Variants in PTPA observed in about 807,000 individuals in gnomAD.
PTPA encodes protein phosphatase 2 phosphatase activator, also known as serine/threonine-protein phosphatase 2A activator.
PTPA carries 13 observed loss-of-function variants against 43.6 expected under a neutral mutation model. The ratio of observed to expected loss-of-function variants is 0.30; its 90% confidence interval spans 0.19 to 0.47. PTPA has a LOEUF of 0.47. Ranked by LOEUF, PTPA falls within the 20% of genes least tolerant of loss-of-function variation. The pLI is 0.99. For missense variants in PTPA, 329 were observed against 411.9 expected, an observed-to-expected ratio of 0.80 and a Z score of 1.74; for synonymous variants, 172 against 158.2, an observed-to-expected ratio of 1.09 and a Z score of -0.66.
chr9:129,124,202 C>T (rs892350577), intron 3 of PTPA, among the ~76,000 whole-genome samples: 4 of 151,960 alleles, frequency 2.6e-5, no homozygotes, highest in Non-Finnish European at 4.4e-5. Flanking sequence ...ATTTATTTAT[C>T]TTATTTTATT....
chr9:129,120,587 A>G lies in PTPA; in HGVS notation c.106A>G (p.Met36Val). ...PKKEIHTVPD[M>V]GKWKRSQAYA... ...AAAGGAGATCCACACAGTTCCAGAC[A>G]TGGGCAAATGGAAGCGTTCTCAGGT... is the stretch of plus-strand genomic sequence containing the variant. The change falls in exon 2 of 10, where the codon ATG becomes GTG. Residue 36 changes from methionine (M) to valine (V), a missense_variant. Met to Val is a conservative substitution (Grantham distance 21, BLOSUM62 1). Coordinates refer to ENST00000393370, the MANE Select transcript of PTPA (RefSeq NM_178000.3). 2 of 1,613,502 alleles carry G rather than the reference A, an allele frequency of 1.2e-6. No homozygotes were observed. The highest frequency in any genetic ancestry group is 1.1e-5 in the South Asian group (1 of 91,080).
chr9:129,133,524 A>T (rs1170626052), intron 5 of PTPA, among the ~76,000 whole-genome samples: 1 of 152,196 alleles, frequency 6.6e-6, no homozygotes. Flanking sequence ...TCTCTGACAC[A>T]TTCTCTTCTC....
In PTPA at chr9:129,147,519, A is replaced by AC. The variant is rs1281463856; in HGVS notation, c.*59dup. 7.1e-6 allele frequency: 11 copies of AC among 1,545,428 alleles called. No individual in the cohort carries two copies. The East Asian group carries it at 2.5e-4, about 35-fold the overall frequency. On this transcript the variant is annotated 3_prime_UTR_variant, in exon 10 of 10. Transcript: ENST00000393370. ...CACAGTTCCTGTGCCTGCCTTCCCC[A>AC]CCCCAGCAGTGGCCCCTCCCCATCC...
intron 2 of PTPA, among the ~76,000 whole-genome samples, chr9:129,122,584 C>G (rs1055160868): frequency 6.6e-6 from 1 of 152,172 alleles, no homozygotes; most frequent in Non-Finnish European, 1.5e-5. Flanking sequence ...CTTGGTGGTA[C>G]TCCTTGAATT....
chr9:129,138,233 A>C (rs1850512758), intron 8 of PTPA: 1 of 174,294 alleles, frequency 5.7e-6, no homozygotes, highest in African/African-American at 2.4e-5. Flanking sequence ...CAGTCACTGG[A>C]TAGCCAGCCC....
At chr9:129,115,190 T>C (rs1192996870) in intron 1 of PTPA, among the ~76,000 whole-genome samples, 2 of 152,178 alleles carry the variant, frequency 1.3e-5, no homozygotes, top group Non-Finnish European at 2.9e-5. Context: ...GTGGGACACA[T>C]TTTCCCATAA....
At chr9:129,118,144 C>G (rs760635378) in intron 1 of PTPA, among the ~76,000 whole-genome samples, 17 of 151,726 alleles carry the variant, frequency 1.1e-4, no homozygotes, top group Admixed American at 2.0e-4. Flanking sequence ...ACCTCTGCCT[C>G]CTGGGTTCAG....
intron 1 of PTPA, among the ~76,000 whole-genome samples, chr9:129,115,806 A>AT (rs1349170266): frequency 6.7e-6 from 1 of 150,148 alleles, no homozygotes; most frequent in South Asian, 2.1e-4. Context: ...CGCCTGGCTA[A>AT]TTTTTTTGTA....
chr9:129,115,875 T>A (rs1177280199), intron 1 of PTPA, among the ~76,000 whole-genome samples: 1 of 151,888 alleles, frequency 6.6e-6, no homozygotes, highest in East Asian at 1.9e-4. Context: ...ACTCCTGACC[T>A]CAGGTGATCC....
chr9:129,128,060 C>G (rs1849697756), intron 3 of PTPA: 5 of 1,332,762 alleles, frequency 3.8e-6, no homozygotes, highest in Non-Finnish European at 5.0e-6. Context: ...GCACTGTGCA[C>G]CTTCGGAGGT....
rs575122036 is a variant in PTPA at position 129,137,568 on chromosome 9, G to T, written c.686-24G>T. On this transcript the variant is annotated intron_variant, in intron 7 of 9. Coordinates refer to ENST00000393370, the MANE Select transcript of PTPA (RefSeq NM_178000.3). ...GTAGTCGTGGGGCCTGGTTCTGAAT[G>T]CTGGGGCCCATTCCTTTTCCCAGAC... 1.6e-4 allele frequency: 261 copies of T among 1,582,624 alleles called. No individual in the cohort carries two copies. In the African/African-American group the frequency reaches 3.2e-3, roughly 19 times the overall value.
chr9:129,142,338 TTG>T lies in PTPA; in HGVS notation c.787-90_787-89del, dbSNP rs57365080. 6,528 of 768,992 alleles carry T rather than the reference TTG, an allele frequency of 8.5e-3. 14 individuals are homozygous for T. Among genetic ancestry groups the T allele is most frequent in the African/African-American group, 0.033 (1,835 of 55,930 alleles). 47.6% of individuals were successfully genotyped at this position (768,992 alleles called of 1,614,324 possible). ...GCGCGTGCATTGTGTGCGTGTGCGT[TTG>T]TGTGTGTGTGTGTGTGCATGCATGG... On this transcript the variant is annotated intron_variant, in intron 8 of 9. Transcript: ENST00000393370.
At position 129,139,216 on chromosome 9, in the gene PTPA, T is replaced by C. The variant is rs540656251; in HGVS notation, c.786+1524T>C. Among the ~76,000 whole-genome samples, 27 of 152,282 alleles carry C rather than the reference T, an allele frequency of 1.8e-4. No individual in the cohort carries two copies. The South Asian group carries it at 3.5e-3, about 20-fold the overall frequency. On this transcript the variant is annotated intron_variant, in intron 8 of 9. Coordinates refer to ENST00000393370, the MANE Select transcript of PTPA (RefSeq NM_178000.3). ...TGGGAATTGATTCCATGGTAAAATTTTGTCTTTAGTTGGTTGGTTGATTTT... is the reference window on the plus strand; with the variant it reads ...TGGGAATTGATTCCATGGTAAAATTCTGTCTTTAGTTGGTTGGTTGATTTT...
intron 9 of PTPA, chr9:129,143,569 C>A: frequency 1.6e-6 from 1 of 643,828 alleles, no homozygotes; most frequent in Non-Finnish European, 2.8e-6. Flanking sequence ...AGCACAGATG[C>A]TTCCAGTTGG....
At chr9:129,144,736 CAAAAAAA>C (rs35064318) in intron 9 of PTPA, among the ~76,000 whole-genome samples, 3 of 108,052 alleles carry the variant, frequency 2.8e-5, no homozygotes, top group Non-Finnish European at 5.6e-5. Context: ...GAGACTCTCT[CAAAAAAA>C]AAAAAAAAAA....
At chr9:129,135,113 G>A (rs1451512768) in intron 6 of PTPA, among the ~76,000 whole-genome samples, 1 of 152,184 alleles carries the variant, frequency 6.6e-6, no homozygotes, top group Non-Finnish European at 1.5e-5. Flanking sequence ...TTGTCACATA[G>A]GCCGGGCGCG....
At chr9:129,123,331 G>T (rs1004589932) in intron 3 of PTPA, among the ~76,000 whole-genome samples, 193 bp downstream of exon 3, 1 of 152,072 alleles carries the variant, frequency 6.6e-6, no homozygotes, top group African/African-American at 2.4e-5. Flanking sequence ...AATTAGCCGG[G>T]TGTGGTGACG....
rs1851446260 is a variant in PTPA at position 129,148,679 on chromosome 9, C to T, written c.*1215C>T. 6.5e-6 allele frequency: 1 copy of T among 152,940 alleles called. No individual in the cohort carries two copies. The highest frequency in any genetic ancestry group is 1.5e-5 in the Non-Finnish European group (1 of 68,294). 9.5% of individuals were successfully genotyped at this position (152,940 alleles called of 1,614,324 possible). Reference sequence around the variant, plus strand: ...CCCAGGCCTGCCCTTCTCCACTGCCCCCTCCTGTGTCTGGGTCCACACACC... The same window carrying T: ...CCCAGGCCTGCCCTTCTCCACTGCCTCCTCCTGTGTCTGGGTCCACACACC... On this transcript the variant is annotated 3_prime_UTR_variant, in exon 10 of 10. Transcript: ENST00000393370.
At chr9:129,127,629 C>T (rs1849664993) in intron 3 of PTPA, among the ~76,000 whole-genome samples, 2 of 152,186 alleles carry the variant, frequency 1.3e-5, no homozygotes, top group Non-Finnish European at 2.9e-5. Context: ...GACAGCCACC[C>T]GATTTCTTCA....
Sources: gnomAD v4.1 joint callset for allele counts (sites outside exome capture counted in the v4.1 genomes callset) on GRCh38, gnomAD v4.1.1 for gene constraint, MANE v1.5 for transcripts, NCBI Gene and HGNC (gene_info 2026-07-23, HGNC 2026-07-21) for gene names.